The following RPS3A variants were observed in gnomAD, a reference collection of about 807,000 sequenced individuals.
The protein encoded by RPS3A is ribosomal protein S3A.
RPS3A carries 1 observed loss-of-function variant against 26.4 expected under a neutral mutation model. That is an observed-to-expected ratio of 0.04 (90% CI 0.01 to 0.18). The LOEUF (loss-of-function observed/expected upper bound fraction) is 0.18. Among genes scored for constraint, RPS3A ranks in the 10% least tolerant of loss-of-function variants. The probability of loss-of-function intolerance (pLI) is 1.00; values close to 1 mark genes in which losing one functional copy is unlikely to be tolerated. For missense variants in RPS3A, 139 were observed against 326.8 expected, an observed-to-expected ratio of 0.43 and a Z score of 4.43; for synonymous variants, 97 against 106.1, an observed-to-expected ratio of 0.91 and a Z score of 0.53.
chr4:151,103,137 G>A, intron 4 of RPS3A, 58 bp downstream of exon 4: 1 of 1,552,756 alleles, frequency 6.4e-7, no homozygotes, highest in Non-Finnish European at 8.7e-7. Flanking sequence ...TTATTCCTGA[G>A]ATGAGAGAAC....
At position 151,101,001 on chromosome 4, in the gene RPS3A, C is replaced by T. The variant is rs1233060413; in HGVS notation, c.193C>T (p.Arg65Cys). The T allele has an allele frequency of 6.3e-7, 1 of 1,581,934 alleles. No homozygotes were observed. Among genetic ancestry groups the T allele is most frequent in the South Asian group, 1.1e-5 (1 of 89,788 alleles). The part of the protein sequence containing the change: ...TKIASDGLKG[R>C]VFEVSLADLQ... Reference sequence around the variant, plus strand: ...AATTGCATCTGATGGTCTCAAGGGTCGTGTGTTTGAAGTGAGTCTTGCTGA... The same window carrying T: ...AATTGCATCTGATGGTCTCAAGGGTTGTGTGTTTGAAGTGAGTCTTGCTGA... The change falls in exon 3 of 6, where the codon CGT becomes TGT. Residue 65 changes from arginine (R) to cysteine (C), a missense_variant. Transcript: ENST00000274065.
intron 3 of RPS3A, 119 bp from the exon 4 acceptor site, chr4:151,102,747 CTTATG>C (rs1430451573): frequency 7.2e-6 from 8 of 1,111,182 alleles, no homozygotes; most frequent in East Asian, 5.2e-5. Flanking sequence ...AGAGATGTTA[CTTATG>C]TTAGGATACT....
intron 5 of RPS3A, 81 bp downstream of exon 5, chr4:151,104,367 C>T (rs1747269152): frequency 5.3e-6 from 8 of 1,518,538 alleles, no homozygotes; most frequent in African/African-American, 1.4e-5. Context: ...CATATCATGG[C>T]CTTCTTTTTC....
intron 4 of RPS3A, chr4:151,103,896 T>C (rs2149705191): frequency 6.8e-7 from 1 of 1,460,312 alleles, no homozygotes; most frequent in East Asian, 3.2e-5. Context: ...GATGTTCCCA[T>C]GCAATATACA....
chr4:151,104,315 G>A (rs1388563632), intron 5 of RPS3A, 29 bp downstream of exon 5: 3 of 1,607,268 alleles, frequency 1.9e-6, no homozygotes, highest in African/African-American at 1.3e-5. Context: ...GATTCCTGTA[G>A]GGCCAAATAC....
chr4:151,101,358 TACTATTTA>T (rs1478433886), intron 3 of RPS3A, among the ~76,000 whole-genome samples, 196 bp downstream of exon 3: 3 of 152,266 alleles, frequency 2.0e-5, no homozygotes, highest in Non-Finnish European at 2.9e-5. Context: ...ATATTTTACT[TACTATTTA>T]AATCTAAGAT....
intron 2 of RPS3A, 85 bp from the exon 3 acceptor site, chr4:151,100,890 A>G: frequency 1.1e-6 from 1 of 906,458 alleles, no homozygotes; most frequent in Non-Finnish European, 1.7e-6. Flanking sequence ...ATTTACCATT[A>G]ACTTAATTTC....
chr4:151,100,061 A>G (rs1579555061), intron 1 of RPS3A: 1 of 556,532 alleles, frequency 1.8e-6, no homozygotes, highest in Non-Finnish European at 3.4e-6. Context: ...CTATCCATTC[A>G]GGACCCGTCA....
intron 4 of RPS3A, 168 bp downstream of exon 4, chr4:151,103,247 T>C: frequency 8.0e-7 from 1 of 1,245,260 alleles, no homozygotes; most frequent in Non-Finnish European, 1.1e-6. Context: ...GTAAATATGA[T>C]TATTATTACT....
intron 4 of RPS3A, 177 bp from the exon 5 acceptor site, chr4:151,104,000 C>G (rs756836735): frequency 6.1e-5 from 92 of 1,503,252 alleles, no homozygotes; most frequent in Non-Finnish European, 1.5e-5. Context: ...TTCAGATCAT[C>G]TATCCTTTAC....
chr4:151,104,461 T>TTTTTTCTTTTTG lies in RPS3A; in HGVS notation c.674-10_674-9insTTTTCTTTTTGT. On this transcript the variant is annotated splice_polypyrimidine_tract_variant and intron_variant, in intron 5 of 5. Transcript: ENST00000274065. ...TTGGTTTTTTTTTTTTTTTTTTTTT[T>TTTTTTCTTTTTG]TGCCTTTTAGTGGGAAAGCTCATGG... is the stretch of plus-strand genomic sequence containing the variant. 6.8e-7 allele frequency: 1 copy of TTTTTTCTTTTTG among 1,468,246 alleles called. No homozygotes were observed. Among genetic ancestry groups the TTTTTTCTTTTTG allele is most frequent in the Non-Finnish European group, 8.9e-7 (1 of 1,118,858 alleles). 91.0% of individuals were successfully genotyped at this position (1,468,246 alleles called of 1,614,324 possible).
At chr4:151,104,337 G>A in intron 5 of RPS3A, 51 bp downstream of exon 5, 1 of 1,588,280 alleles carries the variant, frequency 6.3e-7, no homozygotes, top group Non-Finnish European at 8.6e-7. Flanking sequence ...TTGTTTTTGG[G>A]TGGAGGAGGA....
In RPS3A at chr4:151,104,611, G is replaced by C. The variant is rs574617345; in HGVS notation, c.*18G>C. On this transcript the variant is annotated 3_prime_UTR_variant, in exon 6 of 6. Coordinates refer to ENST00000274065, the MANE Select transcript of RPS3A (RefSeq NM_001006.5). ...CTGTTTAAAGTTCAGACTTCAAATA[G>C]TGGCAAATAAAAAGTGCTATTTGTG... 5.6e-4 allele frequency: 882 copies of C among 1,562,694 alleles called. 2 individuals carry two copies. The highest frequency in any genetic ancestry group is 7.2e-4 in the Non-Finnish European group (840 of 1,170,464).
Position 151,099,726 on chromosome 4 carries a change from C to T in RPS3A, c.62+12C>T. 11 of 1,609,884 alleles carry T rather than the reference C, an allele frequency of 6.8e-6. No homozygotes were observed. Among genetic ancestry groups the T allele is most frequent in the Non-Finnish European group, 9.3e-6 (11 of 1,177,994 alleles). On this transcript the variant is annotated intron_variant, in intron 1 of 5. Transcript: ENST00000274065. ...GCCAAGAAGAAAGTGTAAGTCGCGA[C>T]TGTCGTGGCGTCTTGCTTTTTGGGG... is the stretch of plus-strand genomic sequence containing the variant.
At chr4:151,103,862 G>A (rs1294696395) in intron 4 of RPS3A, 1 of 1,410,274 alleles carries the variant, frequency 7.1e-7, no homozygotes, top group Non-Finnish European at 9.4e-7. Context: ...CCCAGATGAT[G>A]GCCAGTGATA....
chr4:151,099,934 T>G, intron 1 of RPS3A: 5 of 639,272 alleles, frequency 7.8e-6, no homozygotes, highest in East Asian at 3.1e-5. Context: ...GCGTCGCGTT[T>G]GAGCCGGCTT....
chr4:151,101,077 A>G lies in RPS3A; in HGVS notation c.269A>G (p.Asp90Gly), dbSNP rs533195948. Reference protein sequence around the residue: ...AFRKFKLITEDVQGKNCLTNF... With the variant: ...AFRKFKLITEGVQGKNCLTNF... ...AGAAAATTCAAGCTGATTACTGAAG[A>G]TGTTCAGGGTAAAAACTGCCTGACT... is the stretch of plus-strand genomic sequence containing the variant. Residue 90 changes from aspartate (D) to glycine (G), a missense_variant, in exon 3 of 6, where the codon GAT (aspartate) becomes GGT (glycine). By Grantham distance (94) the Asp-to-Gly change is moderately conservative. This residue lies in a region of RPS3A where 8 missense variants were observed against 56.9 expected (regional missense o/e 0.14). Transcript: ENST00000274065. The G allele has an allele frequency of 6.3e-7, 1 of 1,598,942 alleles. No homozygotes were observed. Among genetic ancestry groups the G allele is most frequent in the African/African-American group, 1.3e-5 (1 of 74,844 alleles).
intron 5 of RPS3A, 52 bp from the exon 6 acceptor site, chr4:151,104,420 A>G: frequency 6.9e-7 from 1 of 1,440,830 alleles, no homozygotes; most frequent in South Asian, 1.4e-5. Flanking sequence ...TTATTTCAAG[A>G]TATACTAACA....
At chr4:151,101,508 G>A (rs1048082858) in intron 3 of RPS3A, among the ~76,000 whole-genome samples, 2 of 152,166 alleles carry the variant, frequency 1.3e-5, no homozygotes, top group Non-Finnish European at 2.9e-5. Flanking sequence ...TTGAGTGAAT[G>A]TTGATTAACT....
Sources: gnomAD v4.1 joint callset for allele counts (sites outside exome capture counted in the v4.1 genomes callset) on GRCh38, gnomAD v4.1.1 for gene constraint, gnomAD v4.1.1 regional missense constraint, MANE v1.5 for transcripts, NCBI Gene and HGNC (gene_info 2026-07-23, HGNC 2026-07-21) for gene names.